Variants in ATG7 observed in about 807,000 individuals in gnomAD.
ATG7 encodes ubiquitin-like modifier-activating enzyme ATG7.
A neutral mutation model predicts 82.4 loss-of-function variants in ATG7; 70 were observed. The ratio of observed to expected loss-of-function variants is 0.85; its 90% confidence interval spans 0.70 to 1.04. The LOEUF (loss-of-function observed/expected upper bound fraction) is 1.04. Ranked by LOEUF, ATG7 falls within the 50% of genes least tolerant of loss-of-function variation. ATG7 has a pLI of 0.00. For synonymous variants in ATG7, 287 were observed against 313.0 expected (o/e 0.92, Z 0.88); for missense variants, 792 against 864.3 (o/e 0.92, Z 1.05).
intron 19 of ATG7, among the ~76,000 whole-genome samples, chr3:11,412,442 C>T (rs2081000410): frequency 1.3e-5 from 2 of 152,000 alleles, no homozygotes; most frequent in South Asian, 4.2e-4. Flanking sequence ...TCTTGGCACT[C>T]TTGTCAAAAA....
intron 1 of ATG7, among the ~76,000 whole-genome samples, chr3:11,278,396 A>G (rs1942350562): frequency 1.3e-5 from 2 of 152,274 alleles, no homozygotes; most frequent in South Asian, 4.1e-4. Flanking sequence ...TGTCCATATT[A>G]AAATGAAATC....
intron 1 of ATG7, among the ~76,000 whole-genome samples, chr3:11,276,212 C>T (rs903398421): frequency 3.3e-5 from 5 of 152,170 alleles, no homozygotes; most frequent in Non-Finnish European, 7.3e-5. Flanking sequence ...TAAGGCATCG[C>T]AGCTTCCTCT....
intron 20 of ATG7, among the ~76,000 whole-genome samples, chr3:11,475,891 ACACACACACACACACACC>A (rs1386834500): frequency 3.3e-5 from 5 of 150,588 alleles, no homozygotes; most frequent in South Asian, 2.2e-4. Context: ...ACACACACAC[ACACACACACACACACACC>A]CCCTCCCAGA....
intron 16 of ATG7, 101 bp downstream of exon 16, chr3:11,360,885 C>A: frequency 7.8e-7 from 1 of 1,278,766 alleles, no homozygotes; most frequent in Non-Finnish European, 1.1e-6. Flanking sequence ...TAAATATTAT[C>A]TTTTAACAAA....
downstream of ATG7, chr3:11,559,540 C>T (rs1575344036): frequency 7.0e-7 from 1 of 1,435,448 alleles, no homozygotes. Flanking sequence ...ACCCTTCAGG[C>T]TCTGTCCTGG....
rs1575123964 is a variant in ATG7 at position 11,281,074 on chromosome 3, C to T, written c.-285C>T. On this transcript the variant is annotated 5_prime_UTR_variant, in exon 2 of 21. Transcript: ENST00000693202. ...AGAGACATTTCTGAGACCTGTATGTCCTGCGTCTATGATTCTTCCCTGATC... is the reference window on the plus strand; with the variant it reads ...AGAGACATTTCTGAGACCTGTATGTTCTGCGTCTATGATTCTTCCCTGATC... The T allele has an allele frequency of 6.6e-6, 1 of 152,158 alleles. No individual in the cohort carries two copies. Among genetic ancestry groups the T allele is most frequent in the South Asian group, 2.1e-4 (1 of 4,830 alleles). 9.4% of individuals were successfully genotyped at this position (152,158 alleles called of 1,614,324 possible). A position where few individuals can be genotyped will look rare whatever the true frequency, so the allele number is the denominator to read the frequency against.
At chr3:11,391,037 T>C (rs1003460874) in intron 19 of ATG7, among the ~76,000 whole-genome samples, 1 of 152,120 alleles carries the variant, frequency 6.6e-6, no homozygotes, top group Non-Finnish European at 1.5e-5. Context: ...ATGGGTGTCA[T>C]GTAGTTGGCA....
chr3:11,321,445 C>T (rs1950211262), intron 9 of ATG7, among the ~76,000 whole-genome samples: 1 of 152,192 alleles, frequency 6.6e-6, no homozygotes, highest in South Asian at 2.1e-4. Flanking sequence ...CAGCTGGTCA[C>T]TCATACATGT....
intron 20 of ATG7, among the ~76,000 whole-genome samples, chr3:11,462,760 T>C (rs2086442994): frequency 1.3e-5 from 2 of 152,160 alleles, no homozygotes; most frequent in Middle Eastern, 3.2e-3. Context: ...TCTTCCCAGC[T>C]AGAAAGGTTT....
chr3:11,391,966 G>T (rs1010550529), intron 19 of ATG7, among the ~76,000 whole-genome samples: 2 of 138,364 alleles, frequency 1.4e-5, no homozygotes, highest in East Asian at 2.4e-4. Flanking sequence ...ATTGGGGGGG[G>T]GGTAATTTCA....
the ATG7 span, among the ~76,000 whole-genome samples, chr3:11,574,578 AC>A: frequency 4.6e-5 from 7 of 152,190 alleles, no homozygotes; most frequent in Non-Finnish European, 1.0e-4. Context: ...CACTATGGTC[AC>A]CTAGACCACT....
At chr3:11,554,342 T>A (rs2072164446) in intron 20 of ATG7, among the ~76,000 whole-genome samples, 1 of 151,928 alleles carries the variant, frequency 6.6e-6, no homozygotes, top group African/African-American at 2.4e-5. Context: ...TGGACTACAG[T>A]TAGAGGGAAC....
chr3:11,382,511 C>T (rs1326474967), intron 19 of ATG7, among the ~76,000 whole-genome samples: 2 of 152,278 alleles, frequency 1.3e-5, no homozygotes, highest in East Asian at 1.9e-4. Context: ...GGTGAGGAGT[C>T]ACTTTCATTC....
intron 19 of ATG7, among the ~76,000 whole-genome samples, chr3:11,381,408 A>G (rs1007961009): frequency 3.3e-5 from 5 of 152,114 alleles, no homozygotes; most frequent in Non-Finnish European, 5.9e-5. Context: ...CTATGGCTTT[A>G]TGTTGGTCTG....
intron 20 of ATG7, among the ~76,000 whole-genome samples, chr3:11,489,366 C>G (rs920723110): frequency 4.6e-5 from 7 of 152,138 alleles, no homozygotes; most frequent in African/African-American, 1.7e-4. Flanking sequence ...TGATTCTTCT[C>G]TCTTTTCTTC....
At chr3:11,455,680 A>T (rs1039063345) in intron 20 of ATG7, among the ~76,000 whole-genome samples, 1 of 152,164 alleles carries the variant, frequency 6.6e-6, no homozygotes, top group Non-Finnish European at 1.5e-5. Flanking sequence ...GGCTGTCTTA[A>T]CCCCTCAGAG....
rs61390929 is a variant in ATG7, at chr3:11,402,844, C to T, written c.1956+22792C>T. On this transcript the variant is annotated intron_variant, in intron 19 of 20. Transcript: ENST00000693202. ...CACCACACCCAGTTTATTTAACAAT[C>T]GACGTCAACAATTACCTGGTTACAT... 1.2e-4 allele frequency among the ~76,000 whole-genome samples: 18 copies of T among 152,112 alleles called. No homozygotes were observed. In the East Asian group the frequency reaches 2.5e-3, roughly 21 times the overall value.
chr3:11,466,002 A>G (rs1190942669), intron 20 of ATG7, among the ~76,000 whole-genome samples: 1 of 152,216 alleles, frequency 6.6e-6, no homozygotes, highest in Non-Finnish European at 1.5e-5. Flanking sequence ...AGAGGGCAGT[A>G]AAATTTAGCT....
intron 20 of ATG7, among the ~76,000 whole-genome samples, chr3:11,451,822 G>A (rs1355901206): frequency 6.8e-6 from 1 of 147,054 alleles, no homozygotes; most frequent in South Asian, 2.2e-4. Flanking sequence ...ACCCCAGGCT[G>A]CCCTGTCTCT....
Sources: allele counts gnomAD v4.1 joint callset (sites outside exome capture counted in the v4.1 genomes callset), GRCh38; gene constraint gnomAD v4.1.1; transcripts MANE v1.5; gene names NCBI Gene and HGNC (gene_info 2026-07-23, HGNC 2026-07-21).